Variants in NSMCE1 observed in about 807,000 individuals in gnomAD.
NSMCE1 encodes the protein NSE1 component of SMC5/6 complex.
NSMCE1 carries 18 observed loss-of-function variants against 29.6 expected under a neutral mutation model. That is an observed-to-expected ratio of 0.61 (90% CI 0.42 to 0.90). NSMCE1 has a LOEUF of 0.90. Among genes scored for constraint, NSMCE1 ranks in the 40% least tolerant of loss-of-function variants. NSMCE1 has a pLI of 0.00. For missense variants in NSMCE1, 314 were observed against 343.6 expected, an observed-to-expected ratio of 0.91 and a Z score of 0.68; for synonymous variants, 124 against 133.4, an observed-to-expected ratio of 0.93 and a Z score of 0.49.
chr16:27,241,518 G>C, intron 2 of NSMCE1: 1 of 181,390 alleles, frequency 5.5e-6, no homozygotes, highest in Non-Finnish European at 1.2e-5. Context: ...GGCAGGACAC[G>C]GGGCTGGGGA....
chr16:27,225,564 C>T (rs953537747), intron 7 of NSMCE1, among the ~76,000 whole-genome samples, 162 bp downstream of exon 7: 7 of 152,228 alleles, frequency 4.6e-5, no homozygotes, highest in African/African-American at 1.2e-4. Context: ...CGTAGCTCAG[C>T]CTTTACTTCC....
intron 2 of NSMCE1, among the ~76,000 whole-genome samples, chr16:27,256,088 C>G (rs143023229): frequency 1.4e-4 from 22 of 152,206 alleles, no homozygotes; most frequent in African/African-American, 5.1e-4. Flanking sequence ...TTTTGTGTCC[C>G]TTCACCTGTG....
intron 7 of NSMCE1, among the ~76,000 whole-genome samples, 194 bp from the exon 8 acceptor site, chr16:27,225,430 C>G (rs935284186): frequency 5.3e-5 from 8 of 152,232 alleles, no homozygotes; most frequent in Non-Finnish European, 1.2e-4. Flanking sequence ...ACTGAGGGAG[C>G]TGTGGACATA....
In NSMCE1 at chr16:27,232,929, G is replaced by A; in HGVS notation, c.483+72C>T. The A allele has an allele frequency of 6.5e-7, 1 of 1,531,080 alleles. No homozygotes were observed. Among genetic ancestry groups the A allele is most frequent in the Non-Finnish European group, 8.9e-7 (1 of 1,117,568 alleles). The allele number at this position is 1,531,080 out of a possible 1,614,324, so 94.8% of individuals were successfully genotyped here. On this transcript the variant is annotated intron_variant, in intron 5 of 7. Transcript: ENST00000361439. The surrounding 1 kb of genome is among the most constrained non-coding windows in gnomAD (Gnocchi z 4.5). ...CTCCTCAGACATCAGTTGGCTACAA[G>A]TACGATTTTGGAGAAAAAACTGTTA...
chr16:27,225,780 T>G lies in NSMCE1; in HGVS notation c.667A>C (p.Asn223His). The G allele has an allele frequency of 6.2e-7, 1 of 1,614,174 alleles. No homozygotes were observed. Among genetic ancestry groups the G allele is most frequent in the Non-Finnish European group, 8.5e-7 (1 of 1,180,032 alleles). ...LPCVAKYFQSNAEPRCPHCND... is the reference protein window; with the variant it reads ...LPCVAKYFQSHAEPRCPHCND... ...CAGTGGGGGCAGCGCGGTTCAGCAT[T>G]CGACTGGAAGTACTTGGCCACGCAG... Residue 223 changes from asparagine to histidine, a missense_variant, in exon 7 of 8, where the codon AAT becomes CAT. Coordinates refer to ENST00000361439, the MANE Select transcript of NSMCE1 (RefSeq NM_145080.4).
chr16:27,243,638 A>G (rs2083918869), intron 2 of NSMCE1, among the ~76,000 whole-genome samples: 1 of 152,194 alleles, frequency 6.6e-6, no homozygotes, highest in African/African-American at 2.4e-5. Flanking sequence ...AGTAACTGAT[A>G]CTACCCTAAT....
intron 2 of NSMCE1, among the ~76,000 whole-genome samples, chr16:27,238,092 C>G (rs1056767111): frequency 1.3e-5 from 2 of 152,166 alleles, no homozygotes; most frequent in Non-Finnish European, 2.9e-5. Flanking sequence ...TTACACTCAG[C>G]ACCCCCAAAC....
intron 1 of NSMCE1, among the ~76,000 whole-genome samples, chr16:27,264,367 T>C (rs2084196051): frequency 6.6e-6 from 1 of 152,174 alleles, no homozygotes; most frequent in Non-Finnish European, 1.5e-5. Flanking sequence ...AGTAAGATCC[T>C]GTCTAAAAAC....
chr16:27,257,440 T>C lies in NSMCE1; in HGVS notation c.131A>G (p.His44Arg), dbSNP rs1297731517. 7 of 1,611,058 alleles carry C rather than the reference T, an allele frequency of 4.3e-6. No homozygotes were observed. The African/African-American group carries it at 5.3e-5, about 12-fold the overall frequency. Reference sequence around the variant, plus strand: ...AACAGGGAAACGGTACTCACGGTCATGGACCTTGTAGCAGTGCGTCTGCAA... The same window carrying C: ...AACAGGGAAACGGTACTCACGGTCACGGACCTTGTAGCAGTGCGTCTGCAA... Reference protein sequence around the residue: ...KRLQTHCYKVHDRNATVDKLE... With the variant: ...KRLQTHCYKVRDRNATVDKLE... Residue 44 changes from histidine (H) to arginine (R), a missense_variant, in exon 2 of 8, where the codon CAT (histidine) becomes CGT (arginine). Physicochemically the swap from His to Arg is conservative, Grantham distance 29 (BLOSUM62 0). Transcript: ENST00000361439.
chr16:27,262,802 A>C (rs1341408280), intron 1 of NSMCE1, among the ~76,000 whole-genome samples: 1 of 152,238 alleles, frequency 6.6e-6, no homozygotes, highest in African/African-American at 2.4e-5. Flanking sequence ...CAGAGTAAAC[A>C]GACAACCTAC....
intron 7 of NSMCE1, among the ~76,000 whole-genome samples, chr16:27,225,453 C>G (rs1294249460): frequency 6.6e-6 from 1 of 152,230 alleles, no homozygotes; most frequent in Non-Finnish European, 1.5e-5. Context: ...TTTCACGTCC[C>G]CCTCCTGAGA....
intron 2 of NSMCE1, among the ~76,000 whole-genome samples, chr16:27,235,851 C>A (rs1194771090): frequency 2.0e-5 from 3 of 152,184 alleles, no homozygotes; most frequent in Non-Finnish European, 4.4e-5. Flanking sequence ...GTAAGAATAA[C>A]AACAAACGGG....
chr16:27,257,248 G>A, intron 2 of NSMCE1, 187 bp downstream of exon 2: 2 of 478,972 alleles, frequency 4.2e-6, no homozygotes, highest in Middle Eastern at 5.5e-4. Context: ...TAAATGTCAG[G>A]TTTACTTGGA....
chr16:27,238,871 C>CT (rs2083857973), intron 2 of NSMCE1, among the ~76,000 whole-genome samples: 1 of 149,386 alleles, frequency 6.7e-6, no homozygotes, highest in Non-Finnish European at 1.5e-5. Flanking sequence ...CATCCCGACA[C>CT]ATTTTTTTTT....
chr16:27,235,346 T>C (rs775248997), intron 2 of NSMCE1, 47 bp from the exon 3 acceptor site: 2 of 1,598,188 alleles, frequency 1.3e-6, no homozygotes, highest in Non-Finnish European at 1.7e-6. Context: ...GGGGGCCTCA[T>C]CAAAAAAATG....
chr16:27,259,674 A>G (rs1220434629), intron 1 of NSMCE1, among the ~76,000 whole-genome samples: 2 of 152,152 alleles, frequency 1.3e-5, no homozygotes, highest in African/African-American at 2.4e-5. Context: ...GGGACAAATG[A>G]TACGAATCAC....
chr16:27,234,876 C>T (rs182260339), intron 3 of NSMCE1, among the ~76,000 whole-genome samples: 27 of 152,318 alleles, frequency 1.8e-4, no homozygotes, highest in Admixed American at 1.6e-3. Flanking sequence ...AACGGGGAGT[C>T]GGCGGCAGGA....
intron 2 of NSMCE1, among the ~76,000 whole-genome samples, chr16:27,239,447 T>C (rs112197160): frequency 5.3e-5 from 8 of 152,356 alleles, no homozygotes; most frequent in African/African-American, 1.7e-4. Flanking sequence ...ATGGTCATGA[T>C]AAAGAGTGCG....
At chr16:27,225,364 T>C (rs1319384300) in intron 7 of NSMCE1, 128 bp from the exon 8 acceptor site, 5 of 665,068 alleles carry the variant, frequency 7.5e-6, no homozygotes, top group Non-Finnish European at 1.4e-5. Context: ...CCTTCACTGC[T>C]AACCCTCCCC....
Sources: gnomAD v4.1 joint callset for allele counts (sites outside exome capture counted in the v4.1 genomes callset) on GRCh38, gnomAD v4.1.1 for gene constraint, Gnocchi (gnomAD v3.1) non-coding constraint, MANE v1.5 for transcripts, NCBI Gene and HGNC (gene_info 2026-07-23, HGNC 2026-07-21) for gene names.